The following BCR variants were observed in gnomAD, a reference collection of about 807,000 sequenced individuals.
The protein encoded by BCR is breakpoint cluster region protein.
BCR carries 58 observed loss-of-function variants against 138.6 expected under a neutral mutation model. The observed-to-expected ratio is 0.42, with a 90% CI of 0.34 to 0.52. The LOEUF is 0.52. BCR is among the 20% of genes least tolerant of loss of function. The probability of loss-of-function intolerance (pLI) is 0.06; values close to 1 mark genes in which losing one functional copy is unlikely to be tolerated. For missense variants in BCR, 1,599 were observed against 1,727.2 expected, an observed-to-expected ratio of 0.93 and a Z score of 1.32; for synonymous variants, 786 against 730.1, an observed-to-expected ratio of 1.08 and a Z score of -1.23.
In BCR at chr22:23,315,429, G is replaced by T. The variant is rs1209321250; in HGVS notation, c.3727-4G>T. Reference sequence around the variant, plus strand: ...CTCTTCTCTTCCCTACTCTGCCCGGGCAGGTCCAGGTGCTGCTGTACTTCC... The same window carrying T: ...CTCTTCTCTTCCCTACTCTGCCCGGTCAGGTCCAGGTGCTGCTGTACTTCC... On this transcript the variant is annotated splice_region_variant and splice_polypyrimidine_tract_variant and intron_variant, in intron 22 of 22. Coordinates refer to ENST00000305877, the MANE Select transcript of BCR (RefSeq NM_004327.4). 1.9e-6 allele frequency: 3 copies of T among 1,613,646 alleles called. No individual in the cohort carries two copies. In the East Asian group the frequency reaches 6.7e-5, roughly 36 times the overall value.
rs767854449 is a variant in BCR, at chr22:23,199,211, T to C, written c.1279+16972T>C. The C allele has an allele frequency of 1.2e-5, 6 of 486,138 alleles. No homozygotes were observed. The East Asian group carries it at 2.9e-4, about 23-fold the overall frequency. The allele number at this position is 486,138 out of a possible 1,614,324, so 30.1% of individuals were successfully genotyped here. ...TTCCTCTCTCATGGCATTTCTTTAG[T>C]GGCCAGATGGTGTGAGTGGCTCCAG... On this transcript the variant is annotated intron_variant, in intron 1 of 22. Coordinates refer to ENST00000305877, the MANE Select transcript of BCR (RefSeq NM_004327.4).
At chr22:23,252,238 C>T (rs969839718) in intron 1 of BCR, among the ~76,000 whole-genome samples, 3 of 151,986 alleles carry the variant, frequency 2.0e-5, no homozygotes, top group African/African-American at 7.2e-5. Context: ...CCCCAGTTCC[C>T]TGGGCTGGCA....
chr22:23,270,310 G>A (rs958067837), intron 5 of BCR, among the ~76,000 whole-genome samples: 2 of 152,142 alleles, frequency 1.3e-5, no homozygotes. Flanking sequence ...GGTAGGAATA[G>A]GAATTACATG....
rs1339088156 is a variant in BCR, at chr22:23,315,539, C to T, written c.*17C>T. On this transcript the variant is annotated 3_prime_UTR_variant, in exon 23 of 23. Coordinates refer to ENST00000305877, the MANE Select transcript of BCR (RefSeq NM_004327.4). The stretch of plus-strand genomic sequence containing the variant: ...GAAGTCTAAAGGTCCCAGTCCATCT[C>T]CTGGAGGCGGACAGATGGCCTGGAA... The T allele has an allele frequency of 1.2e-6, 2 of 1,609,490 alleles. No homozygotes were observed. The highest frequency in any genetic ancestry group is 8.5e-7 in the Non-Finnish European group (1 of 1,177,686).
chr22:23,230,896 G>A (rs1368304849), intron 1 of BCR, among the ~76,000 whole-genome samples: 1 of 152,178 alleles, frequency 6.6e-6, no homozygotes, highest in African/African-American at 2.4e-5. Flanking sequence ...TGGACACATA[G>A]CGTTCCTTCA....
chr22:23,246,479 A>G (rs1228921451), intron 1 of BCR, among the ~76,000 whole-genome samples: 1 of 152,106 alleles, frequency 6.6e-6, no homozygotes, highest in East Asian at 1.9e-4. Flanking sequence ...TTTGAACACT[A>G]GTTTTCAATT....
chr22:23,311,400 C>G (rs1252870488), intron 18 of BCR, among the ~76,000 whole-genome samples: 1 of 151,736 alleles, frequency 6.6e-6, no homozygotes, highest in East Asian at 2.0e-4. Flanking sequence ...TGGAATCTGT[C>G]AGATGCCCTT....
At chr22:23,267,936 C>A (rs566446526) in intron 4 of BCR, among the ~76,000 whole-genome samples, 1 of 152,244 alleles carries the variant, frequency 6.6e-6, no homozygotes, top group Non-Finnish European at 1.5e-5. Flanking sequence ...TCTGCAAAGA[C>A]GGCCGGACTT....
chr22:23,199,064 G>A (rs2072516046), intron 1 of BCR: 13 of 264,666 alleles, frequency 4.9e-5, no homozygotes, highest in South Asian at 4.1e-4. Context: ...AGAGGTTGCA[G>A]TAAGCCAAGA....
chr22:23,236,574 A>G (rs1197902969), intron 1 of BCR, among the ~76,000 whole-genome samples: 1 of 152,214 alleles, frequency 6.6e-6, no homozygotes, highest in East Asian at 1.9e-4. Flanking sequence ...CCAAGATACA[A>G]AGCACTTAAT....
chr22:23,298,572 C>T (rs891138791), intron 16 of BCR, among the ~76,000 whole-genome samples: 6 of 143,614 alleles, frequency 4.2e-5, no homozygotes, highest in African/African-American at 5.2e-5. Flanking sequence ...TTTCTTTCTT[C>T]CTTTCCTTTT....
chr22:23,234,553 G>A (rs1262163945), intron 1 of BCR, among the ~76,000 whole-genome samples: 1 of 152,210 alleles, frequency 6.6e-6, no homozygotes, highest in East Asian at 1.9e-4. Context: ...GCACCTGGGA[G>A]AGCATCCCGC....
chr22:23,259,448 C>G (rs1230359029), intron 2 of BCR, among the ~76,000 whole-genome samples: 1 of 152,034 alleles, frequency 6.6e-6, no homozygotes, highest in Non-Finnish European at 1.5e-5. Context: ...AGAAGGACCG[C>G]TTGAGCTCAG....
chr22:23,299,694 T>TTATATA lies in BCR; in HGVS notation c.3012+4558_3012+4563dup, dbSNP rs10532946. On this transcript the variant is annotated intron_variant, in intron 16 of 22. Coordinates refer to ENST00000305877, the MANE Select transcript of BCR (RefSeq NM_004327.4). Reference sequence around the variant, plus strand: ...ATACATTGTTTAATGGATCTAGAGTTTATATATATATATATATATATATAG... The same window carrying TTATATA: ...ATACATTGTTTAATGGATCTAGAGTTTATATATATATATATATATATATATATATAG... Among the ~76,000 whole-genome samples, 431 of 145,908 alleles carry TTATATA rather than the reference T, an allele frequency of 3.0e-3. 2 individuals are homozygous for TTATATA. The highest frequency in any genetic ancestry group is 8.5e-3 in the African/African-American group (343 of 40,286).
chr22:23,300,775 C>G (rs971575658), intron 16 of BCR, among the ~76,000 whole-genome samples: 3 of 152,212 alleles, frequency 2.0e-5, no homozygotes, highest in African/African-American at 7.2e-5. Context: ...CTCCAGCCAG[C>G]CAGCCAGAGC....
chr22:23,286,809 G>A (rs2073719396), intron 10 of BCR, among the ~76,000 whole-genome samples: 1 of 152,178 alleles, frequency 6.6e-6, no homozygotes, highest in Non-Finnish European at 1.5e-5. Flanking sequence ...GGACCCTGTA[G>A]GTCACAGCAG....
chr22:23,194,089 A>G (rs2072447681), intron 1 of BCR, among the ~76,000 whole-genome samples: 1 of 152,206 alleles, frequency 6.6e-6, no homozygotes, highest in Non-Finnish European at 1.5e-5. Context: ...GAATCACCCT[A>G]GTTAAGTGGA....
Position 23,209,266 on chromosome 22 carries a change from A to G in BCR, c.1279+27027A>G, listed in dbSNP as rs7290429. Among the ~76,000 whole-genome samples, 1,416 of 152,022 alleles carry G rather than the reference A, an allele frequency of 9.3e-3. 17 individuals carry two copies. The highest frequency in any genetic ancestry group is 0.032 in the African/African-American group (1,336 of 41,524). The stretch of plus-strand genomic sequence containing the variant: ...TCTCAGCTACTTGGGAGGCTGAGGC[A>G]GGAGAATCGCTTGAGCCCCAGAGGT... On this transcript the variant is annotated intron_variant, in intron 1 of 22. Coordinates refer to ENST00000305877, the MANE Select transcript of BCR (RefSeq NM_004327.4).
chr22:23,299,830 G>A (rs1328863141), intron 16 of BCR, among the ~76,000 whole-genome samples: 2 of 152,060 alleles, frequency 1.3e-5, no homozygotes, highest in Non-Finnish European at 2.9e-5. Flanking sequence ...GGTGGCTGGG[G>A]CGGGAGCCAG....
Sources: allele counts gnomAD v4.1 joint callset (sites outside exome capture counted in the v4.1 genomes callset), GRCh38; gene constraint gnomAD v4.1.1; transcripts MANE v1.5; gene names NCBI Gene and HGNC (gene_info 2026-07-23, HGNC 2026-07-21).